TPST2: variants seen among roughly 807,000 people sequenced by gnomAD.
TPST2 encodes the protein tyrosylprotein sulfotransferase 2, also known as protein-tyrosine sulfotransferase 2.
Under a neutral mutation model 27.8 loss-of-function variants are expected in TPST2, and 16 were observed. The observed-to-expected ratio is 0.58, with a 90% CI of 0.39 to 0.88. The LOEUF (loss-of-function observed/expected upper bound fraction) is 0.88, where lower values mean the gene tolerates loss of function less well. TPST2 is among the 40% of genes least tolerant of loss of function. The probability of loss-of-function intolerance (pLI) is 0.00; values close to 1 mark genes in which losing one functional copy is unlikely to be tolerated. For missense variants in TPST2, 464 were observed against 543.1 expected (o/e 0.85, Z 1.45); for synonymous variants, 229 against 231.7 (o/e 0.99, Z 0.10).
intron 1 of TPST2, among the ~76,000 whole-genome samples, chr22:26,570,287 G>A (rs927331249): frequency 1.3e-5 from 2 of 151,982 alleles, no homozygotes; most frequent in African/African-American, 2.4e-5. Flanking sequence ...GGTCCTGGGC[G>A]CCAGGAACTT....
chr22:26,571,277 G>T (rs939748321), intron 1 of TPST2, among the ~76,000 whole-genome samples: 6 of 152,012 alleles, frequency 3.9e-5, no homozygotes, highest in African/African-American at 1.5e-4. Context: ...CCCGCTGCCC[G>T]GATGCCCTTT....
Position 26,587,586 on chromosome 22 carries a change from C to T in TPST2, c.-161+2467G>A, listed in dbSNP as rs1939665195. On this transcript the variant is annotated intron_variant, in intron 1 of 6. Coordinates refer to ENST00000338754, the MANE Select transcript of TPST2 (RefSeq NM_003595.5). The stretch of plus-strand genomic sequence containing the variant: ...GAACTCCTGACCTCAGGTGACCTGC[C>T]CACCTTAGCTCCCAAAGTGCTGGGA... Among the ~76,000 whole-genome samples the T allele has an allele frequency of 3.9e-5, 6 of 152,182 alleles. No individual in the cohort carries two copies. The South Asian group carries it at 1.2e-3, about 32-fold the overall frequency.
intron 1 of TPST2, among the ~76,000 whole-genome samples, chr22:26,570,088 GAA>G (rs1301299555): frequency 6.6e-5 from 10 of 150,436 alleles, no homozygotes; most frequent in Admixed American, 2.0e-4. Flanking sequence ...AGAAAGAAAA[GAA>G]AGAGAGAAAA....
intron 1 of TPST2, among the ~76,000 whole-genome samples, chr22:26,552,676 T>C (rs1403146911): frequency 2.0e-5 from 3 of 152,188 alleles, no homozygotes; most frequent in Non-Finnish European, 4.4e-5. Context: ...GGCAAGTGGC[T>C]GCGTTTCCAT....
intron 1 of TPST2, among the ~76,000 whole-genome samples, chr22:26,573,339 C>G (rs1298062347): frequency 1.3e-5 from 2 of 152,238 alleles, no homozygotes; most frequent in African/African-American, 4.8e-5. Context: ...CCTAGTTCCA[C>G]CGTCTTATCT....
intron 5 of TPST2, among the ~76,000 whole-genome samples, chr22:26,529,891 C>A (rs1925056652): frequency 6.6e-6 from 1 of 152,054 alleles, no homozygotes; most frequent in Non-Finnish European, 1.5e-5. Context: ...TTAATGCGAT[C>A]TGAGAGCTAG....
intron 1 of TPST2, among the ~76,000 whole-genome samples, chr22:26,569,448 A>C (rs1419062430): frequency 6.6e-6 from 1 of 152,184 alleles, no homozygotes; most frequent in Non-Finnish European, 1.5e-5. Flanking sequence ...TGCGTATGAA[A>C]TATGCATTTT....
intron 5 of TPST2, among the ~76,000 whole-genome samples, chr22:26,529,734 T>G (rs921493367): frequency 1.3e-5 from 2 of 152,204 alleles, no homozygotes; most frequent in African/African-American, 2.4e-5. Flanking sequence ...TGTATTCTTT[T>G]TTATGAGACA....
chr22:26,535,840 A>C (rs1191360778), intron 4 of TPST2: 1 of 323,790 alleles, frequency 3.1e-6, no homozygotes, highest in Non-Finnish European at 6.1e-6. Context: ...AATTTTAAGC[A>C]TAATTTAAAC....
intron 1 of TPST2, among the ~76,000 whole-genome samples, chr22:26,553,886 C>T (rs1161413923): frequency 6.6e-6 from 1 of 152,136 alleles, no homozygotes. Flanking sequence ...AGAACAATCA[C>T]AGGACAAAAA....
At chr22:26,570,037 A>AGAC (rs1569193914) in intron 1 of TPST2, among the ~76,000 whole-genome samples, 107 of 114,970 alleles carry the variant, frequency 9.3e-4, no homozygotes, top group African/African-American at 3.5e-3. Context: ...GAAAGAAAGA[A>AGAC]AGAAAGACAG....
intron 1 of TPST2, among the ~76,000 whole-genome samples, chr22:26,545,829 C>T (rs1228997205): frequency 6.6e-6 from 1 of 152,184 alleles, no homozygotes; most frequent in Non-Finnish European, 1.5e-5. Context: ...CCTGTGATCC[C>T]AGCACTTTGG....
chr22:26,575,987 C>T (rs559830875), intron 1 of TPST2, among the ~76,000 whole-genome samples: 50 of 151,442 alleles, frequency 3.3e-4, no homozygotes, highest in African/African-American at 1.1e-3. Flanking sequence ...CAGAGCGAGA[C>T]TCCATCTCAA....
chr22:26,555,230 T>G (rs770280725), intron 1 of TPST2: 2 of 533,228 alleles, frequency 3.8e-6, no homozygotes, highest in South Asian at 2.8e-5. Flanking sequence ...AGCGTTCTAG[T>G]AGGCTGGTGC....
At chr22:26,575,124 A>G (rs1423779137) in intron 1 of TPST2, among the ~76,000 whole-genome samples, 1 of 152,052 alleles carries the variant, frequency 6.6e-6, no homozygotes, top group African/African-American at 2.4e-5. Context: ...TTCCCCAGAC[A>G]AGTGGTTCAG....
chr22:26,587,872 C>T (rs1034133587), intron 1 of TPST2, among the ~76,000 whole-genome samples: 7 of 151,920 alleles, frequency 4.6e-5, no homozygotes, highest in Admixed American at 6.6e-5. Flanking sequence ...GTAGGAGGAT[C>T]GCTTGAGACC....
At chr22:26,536,019 G>T (rs1336451182) in intron 4 of TPST2, 4 of 583,600 alleles carry the variant, frequency 6.9e-6, no homozygotes, top group Admixed American at 2.5e-5. Context: ...TAAAATTAGA[G>T]AAATAAGATG....
chr22:26,543,130 T>C (rs1925952274), intron 2 of TPST2: 1 of 152,208 alleles, frequency 6.6e-6, no homozygotes, highest in South Asian at 2.1e-4. Flanking sequence ...TGTGAAAATA[T>C]GAGAAGCAGC....
chr22:26,526,851 G>A (rs1924870080), intron 6 of TPST2, among the ~76,000 whole-genome samples: 1 of 152,148 alleles, frequency 6.6e-6, no homozygotes, highest in South Asian at 2.1e-4. Flanking sequence ...GCTGAGGTGG[G>A]CAGATCACTT....
Sources: gnomAD v4.1 joint callset for allele counts (sites outside exome capture counted in the v4.1 genomes callset) on GRCh38, gnomAD v4.1.1 for gene constraint, MANE v1.5 for transcripts, NCBI Gene and HGNC (gene_info 2026-07-23, HGNC 2026-07-21) for gene names.